PITPNM2: variants seen among roughly 807,000 people sequenced by gnomAD.
The protein encoded by PITPNM2 is membrane-associated phosphatidylinositol transfer protein 2.
PITPNM2 carries 35 observed loss-of-function variants against 132.2 expected under a neutral mutation model. The ratio of observed to expected loss-of-function variants is 0.26; its 90% confidence interval spans 0.20 to 0.35. The LOEUF (loss-of-function observed/expected upper bound fraction) is 0.35, where lower values mean the gene tolerates loss of function less well. PITPNM2 is among the 10% of genes least tolerant of loss of function. PITPNM2 has a pLI of 1.00. For synonymous variants in PITPNM2, 738 were observed against 799.2 expected (o/e 0.92, Z 1.29); for missense variants, 1,332 against 1,912.0 (o/e 0.70, Z 5.66).
rs556816533 is a variant in PITPNM2, at chr12:123,023,079, T to G, written c.79-9037A>C. The stretch of plus-strand genomic sequence containing the variant: ...ACATGGAATTTATTGCACAGCTGAA[T>G]GAGGTAGGCAGTTCGAAGCACAGGC... On this transcript the variant is annotated intron_variant, in intron 3 of 25. Coordinates refer to ENST00000320201, the MANE Select transcript of PITPNM2 (RefSeq NM_020845.3). This position sits in a 1 kb window ranked among gnomAD's most constrained non-coding sequence, Gnocchi z 4.8. Among the ~76,000 whole-genome samples the G allele has an allele frequency of 6.6e-6, 1 of 152,210 alleles. No individual in the cohort carries two copies. The highest frequency in any genetic ancestry group is 1.5e-5 in the Non-Finnish European group (1 of 68,032).
chr12:123,073,398 A>G (rs556587637), intron 2 of PITPNM2, among the ~76,000 whole-genome samples: 3 of 152,172 alleles, frequency 2.0e-5, no homozygotes, highest in Admixed American at 6.5e-5. Context: ...AGAGTAAGTT[A>G]TGGGAATGCC....
chr12:122,991,537 G>A (rs910354134), intron 16 of PITPNM2, among the ~76,000 whole-genome samples: 4 of 152,296 alleles, frequency 2.6e-5, no homozygotes, highest in East Asian at 1.9e-4. Flanking sequence ...GAGCTGCTGC[G>A]CCCCTTTGCT....
intron 1 of PITPNM2, among the ~76,000 whole-genome samples, chr12:123,123,380 G>A (rs1000049838): frequency 6.6e-6 from 1 of 152,204 alleles, no homozygotes; most frequent in Non-Finnish European, 1.5e-5. Context: ...AGGAGGCCGA[G>A]GTGAGAGGAC....
rs1170597145 is a variant in PITPNM2 at position 122,984,706 on chromosome 12, CG to C, written c.*1320del. ...CAGACCCAGGTCGGCCGTAGCTTCT[CG>C]GGGACAGAGCCTGGTCGCTGGACAA... On this transcript the variant is annotated 3_prime_UTR_variant, in exon 26 of 26. Coordinates refer to ENST00000320201, the MANE Select transcript of PITPNM2 (RefSeq NM_020845.3). 6.6e-6 allele frequency: 1 copy of C among 152,250 alleles called. No homozygotes were observed. The highest frequency in any genetic ancestry group is 2.4e-5 in the African/African-American group (1 of 41,452). 9.4% of individuals were successfully genotyped at this position (152,250 alleles called of 1,614,324 possible).
At chr12:123,093,856 GAC>G (rs1367876876) in intron 2 of PITPNM2, among the ~76,000 whole-genome samples, 3 of 152,264 alleles carry the variant, frequency 2.0e-5, no homozygotes, top group Non-Finnish European at 4.4e-5. Context: ...TCTATGGAAG[GAC>G]ACAGAGCCAG....
Position 122,987,588 on chromosome 12 carries a change from G to GT in PITPNM2, c.3185dup (p.Asn1062LysfsTer11). 1 of 1,613,968 alleles carries GT rather than the reference G, an allele frequency of 6.2e-7. No homozygotes were observed. The highest frequency in any genetic ancestry group is 8.5e-7 in the Non-Finnish European group (1 of 1,180,024). On this transcript the variant is annotated frameshift_variant, in exon 22 of 26. Transcript: ENST00000320201. LOFTEE classifies it high-confidence loss of function. ...GGATGGTGTAGGAGACACGCCCACTGTTGTTGGTCACCAGCGTATCCAGGT... is the reference window on the plus strand; with the variant it reads ...GGATGGTGTAGGAGACACGCCCACTGTTTGTTGGTCACCAGCGTATCCAGGT...
chr12:123,106,655 T>G lies in PITPNM2; in HGVS notation c.-96+3730A>C, dbSNP rs1420349738. On this transcript the variant is annotated intron_variant, in intron 2 of 25. Transcript: ENST00000320201. This position sits in a 1 kb window ranked among gnomAD's most constrained non-coding sequence, Gnocchi z 4.4. ...TCAGGAGGGGCACAGGTGACAGAAC[T>G]GGCCAGGGCATGACATGGGTCATCA... is the stretch of plus-strand genomic sequence containing the variant. 1.3e-5 allele frequency among the ~76,000 whole-genome samples: 2 copies of G among 152,160 alleles called. No homozygotes were observed. Among genetic ancestry groups the G allele is most frequent in the African/African-American group, 4.8e-5 (2 of 41,434 alleles).
At chr12:123,094,533 G>A (rs1416476002) in intron 2 of PITPNM2, among the ~76,000 whole-genome samples, 1 of 152,232 alleles carries the variant, frequency 6.6e-6, no homozygotes, top group East Asian at 1.9e-4. Flanking sequence ...AGCGGACTTA[G>A]TCCTCTGGGG....
At chr12:123,116,991 C>T (rs930238320) in intron 1 of PITPNM2, among the ~76,000 whole-genome samples, 7 of 152,210 alleles carry the variant, frequency 4.6e-5, no homozygotes, top group Non-Finnish European at 8.8e-5. Flanking sequence ...ACACTGTGAG[C>T]AAATAAATAA....
chr12:123,072,300 A>T (rs1279255457), intron 2 of PITPNM2, among the ~76,000 whole-genome samples: 1 of 152,218 alleles, frequency 6.6e-6, no homozygotes, highest in East Asian at 1.9e-4. Flanking sequence ...TCTTATAATC[A>T]GGCTGATGGT....
Position 123,078,780 on chromosome 12 carries a change from C to T in PITPNM2, c.-96+31605G>A, listed in dbSNP as rs867234225. ...TGGATGGGGACTCCCAGGCTCCCCA[C>T]GCTGGGTGGCATCTCCCATCACGCC... On this transcript the variant is annotated intron_variant, in intron 2 of 25. Coordinates refer to ENST00000320201, the MANE Select transcript of PITPNM2 (RefSeq NM_020845.3). This position sits in a 1 kb window ranked among gnomAD's most constrained non-coding sequence, Gnocchi z 7.3. 1.3e-4 allele frequency among the ~76,000 whole-genome samples: 20 copies of T among 152,304 alleles called. No homozygotes were observed. Among genetic ancestry groups the T allele is most frequent in the African/African-American group, 4.3e-4 (18 of 41,578 alleles).
At chr12:122,988,987 G>A in intron 18 of PITPNM2, 115 bp from the exon 19 acceptor site, 1 of 1,197,740 alleles carries the variant, frequency 8.3e-7, no homozygotes, top group Non-Finnish European at 1.1e-6. Context: ...ACCAGCTATA[G>A]CCAAAAGTGA....
rs767565240 is a variant in PITPNM2, at chr12:122,988,220, CG to C, written c.2997+13del. Reference sequence around the variant, plus strand: ...GTGACATCGTGGGGGCCTGGGCGCCCGGGGGACCCTCACCCGCAGCTTCACG... The same window carrying C: ...GTGACATCGTGGGGGCCTGGGCGCCCGGGGACCCTCACCCGCAGCTTCACG... On this transcript the variant is annotated intron_variant, in intron 20 of 25. Transcript: ENST00000320201. 3.1e-6 allele frequency: 5 copies of C among 1,610,108 alleles called. No individual in the cohort carries two copies. In the Admixed American group the frequency reaches 5.0e-5, roughly 16 times the overall value.
At chr12:123,120,162 T>A (rs2043008917) in intron 1 of PITPNM2, among the ~76,000 whole-genome samples, 1 of 152,188 alleles carries the variant, frequency 6.6e-6, no homozygotes, top group South Asian at 2.1e-4. Context: ...GGTCACCTTA[T>A]AACTAACACC....
At chr12:122,995,354 C>T (rs2038378656) in intron 14 of PITPNM2, 35 bp downstream of exon 14, 6 of 1,553,370 alleles carry the variant, frequency 3.9e-6, no homozygotes, top group Non-Finnish European at 5.2e-6. Context: ...CTTCCCACAC[C>T]CAGAGGCAAG....
chr12:123,133,845 C>T (rs894005919), intron 1 of PITPNM2, among the ~76,000 whole-genome samples: 18 of 151,812 alleles, frequency 1.2e-4, no homozygotes, highest in African/African-American at 4.1e-4. Flanking sequence ...TCACTGTACA[C>T]GAAAAAGTTT....
intron 3 of PITPNM2, among the ~76,000 whole-genome samples, chr12:123,017,707 A>G (rs910081453): frequency 6.6e-6 from 1 of 152,278 alleles, no homozygotes; most frequent in South Asian, 2.1e-4. Context: ...GTAATGCTAC[A>G]TACCACAACA....
intron 1 of PITPNM2, among the ~76,000 whole-genome samples, chr12:123,110,962 A>G (rs1471826556): frequency 6.6e-6 from 1 of 152,206 alleles, no homozygotes; most frequent in East Asian, 1.9e-4. Context: ...GCATGGTCAT[A>G]TTGTGGGGTG....
Position 122,992,362 on chromosome 12 carries a change from T to G in PITPNM2, c.2404+137A>C. 2.5e-6 allele frequency: 1 copy of G among 408,024 alleles called. No homozygotes were observed. The highest frequency in any genetic ancestry group is 4.0e-6 in the Non-Finnish European group (1 of 247,286). 25.3% of individuals were successfully genotyped at this position (408,024 alleles called of 1,614,324 possible). A position where few individuals can be genotyped will look rare whatever the true frequency, so the allele number is the denominator to read the frequency against. On this transcript the variant is annotated intron_variant, in intron 16 of 25. Coordinates refer to ENST00000320201, the MANE Select transcript of PITPNM2 (RefSeq NM_020845.3). The surrounding 1 kb of genome is among the most constrained non-coding windows in gnomAD (Gnocchi z 6.5). ...CCCCACCCCCCACCCCCAACAGCTGTCCACCTCCAAGAGGCATTCAGCACA... is the reference window on the plus strand; with the variant it reads ...CCCCACCCCCCACCCCCAACAGCTGGCCACCTCCAAGAGGCATTCAGCACA...
Sources: gnomAD v4.1 joint callset for allele counts (sites outside exome capture counted in the v4.1 genomes callset) on GRCh38, gnomAD v4.1.1 for gene constraint, Gnocchi (gnomAD v3.1) non-coding constraint, MANE v1.5 for transcripts, NCBI Gene and HGNC (gene_info 2026-07-23, HGNC 2026-07-21) for gene names.